The following DIS3L2 variants were observed in gnomAD, a reference collection of about 807,000 sequenced individuals.
DIS3L2 encodes the protein DIS3-like exonuclease 2.
DIS3L2 carries 34 observed loss-of-function variants against 97.5 expected under a neutral mutation model. That is an observed-to-expected ratio of 0.35 (90% CI 0.27 to 0.46). DIS3L2 has a LOEUF of 0.46. DIS3L2 is among the 20% of genes least tolerant of loss of function. The pLI, the probability that DIS3L2 is intolerant of heterozygous loss-of-function variation, is 1.00. For missense variants in DIS3L2, 1,038 were observed against 1,146.0 expected, an observed-to-expected ratio of 0.91 and a Z score of 1.36; for synonymous variants, 435 against 445.2, an observed-to-expected ratio of 0.98 and a Z score of 0.29.
downstream of DIS3L2, among the ~76,000 whole-genome samples, chr2:232,337,602 C>A (rs187907382): frequency 6.6e-6 from 1 of 152,210 alleles, no homozygotes; most frequent in East Asian, 1.9e-4. Context: ...AGCCTGTACT[C>A]CTTCCCCCTC....
chr2:232,087,660 C>T lies in DIS3L2; in HGVS notation c.540C>T (p.Gly180=), dbSNP rs369500890. ...GCAGCGACTCAGAAGATGGACATGG[C>T]ATCACACAAAATGTGCTGGTTGATG... is the stretch of plus-strand genomic sequence containing the variant. The part of the protein sequence containing the change: ...FDGSDSEDGH[G]ITQNVLVDGV... Residue 180 remains glycine, a synonymous_variant, in exon 6 of 21, where the codon GGC becomes GGT. Transcript: ENST00000325385. The T allele has an allele frequency of 1.6e-5, 26 of 1,614,006 alleles. No individual in the cohort carries two copies. Among genetic ancestry groups the T allele is most frequent in the Non-Finnish European group, 2.1e-5 (25 of 1,180,038 alleles).
intron 8 of DIS3L2, among the ~76,000 whole-genome samples, chr2:232,148,007 C>T (rs1272047873): frequency 2.5e-5 from 3 of 118,206 alleles, no homozygotes; most frequent in Non-Finnish European, 5.3e-5. Context: ...TTCTCCTCTC[C>T]TCTCCTCTCC....
chr2:232,172,138 A>G (rs1051223023), intron 9 of DIS3L2, among the ~76,000 whole-genome samples: 3 of 148,306 alleles, frequency 2.0e-5, no homozygotes, highest in Non-Finnish European at 3.0e-5. Context: ...AGGGTGGCAA[A>G]GTCTGTTTTT....
chr2:232,158,958 G>A (rs1386453197), intron 8 of DIS3L2, among the ~76,000 whole-genome samples: 1 of 152,132 alleles, frequency 6.6e-6, no homozygotes, highest in Non-Finnish European at 1.5e-5. Context: ...TTGAATTCCT[G>A]TGTCCTTCAA....
chr2:232,334,242 CCTGGGAG>C (rs1368153090), intron 17 of DIS3L2, 120 bp from the exon 18 acceptor site: 2 of 1,313,864 alleles, frequency 1.5e-6, no homozygotes, highest in Non-Finnish European at 2.1e-6. Context: ...TTTCTGCTGC[CCTGGGAG>C]CTGGGTGCTT....
intron 14 of DIS3L2, among the ~76,000 whole-genome samples, chr2:232,312,460 A>G (rs1695162189): frequency 6.6e-6 from 1 of 152,214 alleles, no homozygotes; most frequent in South Asian, 2.1e-4. Context: ...ACTGGTTTAT[A>G]TATCTATTCT....
chr2:232,301,732 G>A (rs1039099639), intron 14 of DIS3L2, among the ~76,000 whole-genome samples: 1 of 152,060 alleles, frequency 6.6e-6, no homozygotes, highest in Admixed American at 6.5e-5. Flanking sequence ...ATGGGAGAAG[G>A]ACACCAGCTC....
chr2:232,286,406 C>A (rs949351873), intron 13 of DIS3L2, among the ~76,000 whole-genome samples: 11 of 152,190 alleles, frequency 7.2e-5, no homozygotes, highest in African/African-American at 2.4e-4. Context: ...AGGAGTCCTA[C>A]AGAAAGCAAG....
At chr2:232,266,674 C>T (rs1299003085) in intron 13 of DIS3L2, among the ~76,000 whole-genome samples, 1 of 152,088 alleles carries the variant, frequency 6.6e-6, no homozygotes, top group African/African-American at 2.4e-5. Flanking sequence ...TTCTCCTGCC[C>T]CTACTGCCTG....
At chr2:232,315,946 C>A (rs1445075998) in intron 14 of DIS3L2, among the ~76,000 whole-genome samples, 1 of 152,170 alleles carries the variant, frequency 6.6e-6, no homozygotes, top group African/African-American at 2.4e-5. Context: ...CTAGGTGAGA[C>A]CCAGGGTCCA....
At chr2:232,241,829 T>A (rs952190453) in intron 11 of DIS3L2, among the ~76,000 whole-genome samples, 1 of 152,224 alleles carries the variant, frequency 6.6e-6, no homozygotes, top group Non-Finnish European at 1.5e-5. Flanking sequence ...CAAATTAAGC[T>A]TTAAAAGTAA....
intron 8 of DIS3L2, among the ~76,000 whole-genome samples, chr2:232,157,291 C>T (rs1690519063): frequency 6.6e-6 from 1 of 152,122 alleles, no homozygotes; most frequent in South Asian, 2.1e-4. Flanking sequence ...ATTGAAAGGC[C>T]TGACTCCTCC....
At chr2:232,120,331 G>A (rs918590771) in intron 6 of DIS3L2, among the ~76,000 whole-genome samples, 2 of 152,090 alleles carry the variant, frequency 1.3e-5, no homozygotes, top group African/African-American at 2.4e-5. Context: ...ATTTAGGTTC[G>A]AATCCTGCCC....
intron 9 of DIS3L2, among the ~76,000 whole-genome samples, chr2:232,195,631 A>G (rs1188679522): frequency 6.6e-6 from 1 of 151,938 alleles, no homozygotes; most frequent in African/African-American, 2.4e-5. Flanking sequence ...TTTTTATTTT[A>G]AATAGAGATG....
At chr2:232,324,041 G>A (rs993483859) in intron 14 of DIS3L2, among the ~76,000 whole-genome samples, 6 of 152,030 alleles carry the variant, frequency 3.9e-5, no homozygotes, top group African/African-American at 1.4e-4. Flanking sequence ...AGGGCTCTGC[G>A]GTTTCCACCA....
At chr2:232,085,520 A>G (rs540261776) in intron 5 of DIS3L2, among the ~76,000 whole-genome samples, 25 of 152,328 alleles carry the variant, frequency 1.6e-4, no homozygotes, top group African/African-American at 6.0e-4. Flanking sequence ...TTATGTATAT[A>G]CAGGTGATCA....
At chr2:232,147,917 T>G (rs1031526738) in intron 8 of DIS3L2, among the ~76,000 whole-genome samples, 1 of 151,274 alleles carries the variant, frequency 6.6e-6, no homozygotes, top group South Asian at 2.1e-4. Flanking sequence ...CAGGATAGGA[T>G]TCTCTTTTCT....
chr2:232,142,565 C>G (rs1372599609), intron 8 of DIS3L2, among the ~76,000 whole-genome samples: 1 of 152,120 alleles, frequency 6.6e-6, no homozygotes, highest in African/African-American at 2.4e-5. Flanking sequence ...CATATCAACA[C>G]CAATTCACTC....
intron 6 of DIS3L2, among the ~76,000 whole-genome samples, chr2:232,117,853 C>T (rs1697774609): frequency 1.3e-5 from 2 of 152,212 alleles, no homozygotes; most frequent in African/African-American, 4.8e-5. Context: ...TATTAGGTAT[C>T]TCTCACTGTG....
Sources: gnomAD v4.1 joint callset for allele counts (sites outside exome capture counted in the v4.1 genomes callset) on GRCh38, gnomAD v4.1.1 for gene constraint, MANE v1.5 for transcripts, NCBI Gene and HGNC (gene_info 2026-07-23, HGNC 2026-07-21) for gene names.